MMP26: variants seen among roughly 807,000 people sequenced by gnomAD.
MMP26 encodes matrix metalloproteinase-26.
Under a neutral mutation model 31.0 loss-of-function variants are expected in MMP26, and 33 were observed. The observed-to-expected ratio is 1.06, with a 90% confidence interval of 0.81 to 1.42. The LOEUF is 1.42. Ranked by LOEUF, MMP26 falls within the 40% of genes most tolerant of loss-of-function variation. The probability of loss-of-function intolerance (pLI) is 0.00; values close to 1 mark genes in which losing one functional copy is unlikely to be tolerated. For missense variants in MMP26, 347 were observed against 316.1 expected (o/e 1.10, Z -0.74); for synonymous variants, 122 against 114.9 (o/e 1.06, Z -0.40).
chr11:4,862,446 G>C (rs955874799), intron 2 of MMP26, among the ~76,000 whole-genome samples: 1 of 152,150 alleles, frequency 6.6e-6, no homozygotes, highest in Non-Finnish European at 1.5e-5. Context: ...AGAAGTCTTA[G>C]AATCCCTCAA....
At chr11:4,876,328 C>A (rs1465529494) in intron 2 of MMP26, 1 of 151,976 alleles carries the variant, frequency 6.6e-6, no homozygotes, top group Non-Finnish European at 1.5e-5. Context: ...TTGTTTGTTT[C>A]TCTTTCTCCT....
At chr11:4,793,754 G>A (rs1849064932) in intron 2 of MMP26, 1 of 152,144 alleles carries the variant, frequency 6.6e-6, no homozygotes, top group African/African-American at 2.4e-5. Flanking sequence ...AGAAAATCAA[G>A]TTGGTGATTC....
Position 4,739,897 on chromosome 11 carries a change from A to G in MMP26, c.-216-27373A>G, listed in dbSNP as rs1265838437. The stretch of plus-strand genomic sequence containing the variant: ...AGAAGGGTTGACTTAGATAATCTCC[A>G]TTTTTTTATTCAATGTAATTGCAGT... On this transcript the variant is annotated intron_variant, in intron 1 of 7. Transcript: ENST00000380390. Among the ~76,000 whole-genome samples, 8 of 152,218 alleles carry G rather than the reference A, an allele frequency of 5.3e-5. No individual in the cohort carries two copies. The South Asian group carries it at 1.0e-3, about 20-fold the overall frequency.
At chr11:4,793,016 G>A (rs10836652) in intron 2 of MMP26, among the ~76,000 whole-genome samples, 42,656 of 152,086 alleles carry the variant, frequency 0.28, 7,491 homozygotes, top group African/African-American at 0.49. Context: ...CAAGACTTAA[G>A]TAACAGATTT....
intron 2 of MMP26, among the ~76,000 whole-genome samples, chr11:4,844,536 C>A (rs1369099697): frequency 6.6e-6 from 1 of 151,830 alleles, no homozygotes; most frequent in African/African-American, 2.4e-5. Flanking sequence ...AAGCTGAATT[C>A]AAAAAAACAT....
chr11:4,807,502 C>T (rs916973955), intron 2 of MMP26, among the ~76,000 whole-genome samples: 2 of 151,646 alleles, frequency 1.3e-5, no homozygotes, highest in African/African-American at 4.8e-5. Flanking sequence ...TCATTCTAAG[C>T]AAACTGTCAC....
In MMP26 at chr11:4,889,717, C is replaced by T. The variant is rs114316884; in HGVS notation, c.-144-98351C>T. The stretch of plus-strand genomic sequence containing the variant: ...AATGAGGATCATGGCCAGTGGGGAC[C>T]TGTGCTTGCCAAAGCAGTTCATGGA... On this transcript the variant is annotated intron_variant, in intron 2 of 7. Coordinates refer to ENST00000380390, the MANE Select transcript of MMP26 (RefSeq NM_021801.5). 1,123 of 152,872 alleles carry T rather than the reference C, an allele frequency of 7.3e-3. 11 individuals carry two copies. The highest frequency in any genetic ancestry group is 0.026 in the African/African-American group (1,069 of 41,582). The allele number at this position is 152,872 out of a possible 1,614,324, so 9.5% of individuals were successfully genotyped here. A position where few individuals can be genotyped will look rare whatever the true frequency, so the allele number is the denominator to read the frequency against.
At chr11:4,919,795 T>C (rs1851154665) in intron 2 of MMP26, among the ~76,000 whole-genome samples, 1 of 152,188 alleles carries the variant, frequency 6.6e-6, no homozygotes, top group Non-Finnish European at 1.5e-5. Context: ...GGCTAGGTTC[T>C]TGAAAATGCT....
intron 1 of MMP26, among the ~76,000 whole-genome samples, chr11:4,714,468 T>A (rs905731844): frequency 8.5e-5 from 13 of 152,166 alleles, no homozygotes; most frequent in African/African-American, 3.1e-4. Flanking sequence ...ACTGCCATTC[T>A]TATCCTCATC....
At chr11:4,953,861 G>A (rs1473902194) in intron 2 of MMP26, among the ~76,000 whole-genome samples, 1 of 124,778 alleles carries the variant, frequency 8.0e-6, no homozygotes, top group Admixed American at 8.9e-5. Flanking sequence ...AGACCAACCT[G>A]GCCAACATGG....
intron 2 of MMP26, among the ~76,000 whole-genome samples, chr11:4,867,342 A>G (rs1168792539): frequency 1.3e-5 from 2 of 151,434 alleles, no homozygotes; most frequent in Admixed American, 6.6e-5. Context: ...AAAGCTCAAC[A>G]TCACTGATCA....
intron 5 of MMP26, 81 bp downstream of exon 5, chr11:4,990,827 A>T: frequency 7.0e-7 from 1 of 1,419,280 alleles, no homozygotes; most frequent in East Asian, 2.3e-5. Context: ...ACAAAAACCT[A>T]GCCCCCCTAT....
intron 2 of MMP26, among the ~76,000 whole-genome samples, chr11:4,770,654 C>A (rs1848703726): frequency 1.3e-5 from 2 of 152,040 alleles, no homozygotes; most frequent in African/African-American, 4.8e-5. Flanking sequence ...ATCATCCTGG[C>A]CAACATGGTG....
intron 2 of MMP26, among the ~76,000 whole-genome samples, chr11:4,857,596 C>G (rs192084875): frequency 0.013 from 2,041 of 152,040 alleles, 48 homozygotes; most frequent in African/African-American, 0.046. Context: ...GCCTACCAAC[C>G]AAAAAAAGTC....
At chr11:4,732,237 G>A (rs969413457) in intron 1 of MMP26, among the ~76,000 whole-genome samples, 1 of 151,978 alleles carries the variant, frequency 6.6e-6, no homozygotes, top group Non-Finnish European at 1.5e-5. Context: ...TTCATCTTTT[G>A]TTGTATCTTT....
At chr11:4,852,689 C>T (rs1487516850) in intron 2 of MMP26, among the ~76,000 whole-genome samples, 1 of 152,020 alleles carries the variant, frequency 6.6e-6, no homozygotes, top group Non-Finnish European at 1.5e-5. Flanking sequence ...ATAAAACCAC[C>T]ATATTATTCA....
At chr11:4,786,926 A>C (rs1227282979) in intron 2 of MMP26, 1 of 152,570 alleles carries the variant, frequency 6.6e-6, no homozygotes, top group Non-Finnish European at 1.5e-5. Context: ...CCAAACCTCC[A>C]TGAACCCATG....
chr11:4,986,962 T>TCTCTCTCTCC (rs1846909227), intron 2 of MMP26, among the ~76,000 whole-genome samples: 2 of 138,474 alleles, frequency 1.4e-5, no homozygotes. Flanking sequence ...TCTCTCTCCC[T>TCTCTCTCTCC]CTCTCTCTCT....
intron 2 of MMP26, among the ~76,000 whole-genome samples, chr11:4,795,783 A>G (rs1849098403): frequency 6.6e-6 from 1 of 152,130 alleles, no homozygotes; most frequent in African/African-American, 2.4e-5. Flanking sequence ...ATAAATTGGA[A>G]AAATCAAGAA....
Sources: allele counts gnomAD v4.1 joint callset (sites outside exome capture counted in the v4.1 genomes callset), GRCh38; gene constraint gnomAD v4.1.1; transcripts MANE v1.5; gene names NCBI Gene and HGNC (gene_info 2026-07-23, HGNC 2026-07-21).